ELAVL2: variants seen among roughly 807,000 people sequenced by gnomAD.
The protein encoded by ELAVL2 is ELAV-like protein 2.
A neutral mutation model predicts 34.6 loss-of-function variants in ELAVL2; 4 were observed. The observed-to-expected ratio is 0.12, with a 90% CI of 0.06 to 0.26. The LOEUF is 0.26. Ranked by LOEUF, ELAVL2 falls within the 10% of genes least tolerant of loss-of-function variation. The pLI, the probability that ELAVL2 is intolerant of heterozygous loss-of-function variation, is 1.00. For synonymous variants in ELAVL2, 193 were observed against 154.8 expected (o/e 1.25, Z -1.83); for missense variants, 432 against 442.8 (o/e 0.98, Z 0.22).
chr9:23,781,414 G>C (rs559534723), intron 1 of ELAVL2, among the ~76,000 whole-genome samples: 1 of 152,058 alleles, frequency 6.6e-6, no homozygotes, highest in East Asian at 1.9e-4. Context: ...TCACCAAACA[G>C]ATCAGGAATT....
At chr9:23,821,041 G>A (rs1431368799) in intron 1 of ELAVL2, among the ~76,000 whole-genome samples, 2 of 152,218 alleles carry the variant, frequency 1.3e-5, no homozygotes, top group Non-Finnish European at 2.9e-5. Flanking sequence ...CGCCCCGAGA[G>A]CTCCAAGGAC....
chr9:23,829,001 C>CA (rs1482582417), upstream of ELAVL2, among the ~76,000 whole-genome samples: 3 of 152,018 alleles, frequency 2.0e-5, no homozygotes, highest in Admixed American at 6.6e-5. Context: ...TAAGAATAAG[C>CA]AAAAAATGCA....
intron 2 of ELAVL2, among the ~76,000 whole-genome samples, chr9:23,760,488 A>G (rs1185366455): frequency 6.6e-6 from 1 of 151,930 alleles, no homozygotes; most frequent in African/African-American, 2.4e-5. Context: ...TACTTTAAAA[A>G]CAAAAGATAA....
chr9:23,818,614 C>A (rs1294172525), intron 1 of ELAVL2, among the ~76,000 whole-genome samples: 1 of 152,154 alleles, frequency 6.6e-6, no homozygotes, highest in Admixed American at 6.5e-5. Context: ...CCATCTAGCC[C>A]CCTTAAAATG....
At chr9:23,793,624 T>G (rs1182199955) in intron 1 of ELAVL2, among the ~76,000 whole-genome samples, 1 of 152,168 alleles carries the variant, frequency 6.6e-6, no homozygotes, top group Non-Finnish European at 1.5e-5. Context: ...TTCAACACTC[T>G]CTTTATGAGA....
chr9:23,840,505 G>C, the ELAVL2 span, among the ~76,000 whole-genome samples: 1 of 152,182 alleles, frequency 6.6e-6, no homozygotes, highest in South Asian at 2.1e-4. Context: ...ACAGTGGCTT[G>C]AGCTATTTTG....
In ELAVL2 at chr9:23,719,108, C is replaced by G. The variant is rs906793697; in HGVS notation, c.333+11914G>C. 3.9e-5 allele frequency among the ~76,000 whole-genome samples: 6 copies of G among 152,324 alleles called. No individual in the cohort carries two copies. The East Asian group carries it at 1.2e-3, about 29-fold the overall frequency. ...TAAAGAGGGGCAGCGAGGAGGGGAA[C>G]TACCACCTTTATCTTTGTTCTAAGA... is the stretch of plus-strand genomic sequence containing the variant. On this transcript the variant is annotated intron_variant, in intron 3 of 6. Coordinates refer to ENST00000397312, the MANE Select transcript of ELAVL2 (RefSeq NM_004432.5).
At chr9:23,734,502 C>G (rs140821780) in intron 2 of ELAVL2, among the ~76,000 whole-genome samples, 23 of 152,270 alleles carry the variant, frequency 1.5e-4, no homozygotes, top group Middle Eastern at 3.4e-3. Context: ...CTCTACTCCA[C>G]TCAATTAACT....
chr9:23,761,285 G>A (rs547871820), intron 2 of ELAVL2, among the ~76,000 whole-genome samples: 1 of 151,838 alleles, frequency 6.6e-6, no homozygotes, highest in Non-Finnish European at 1.5e-5. Context: ...TGTATTTTTA[G>A]TGTTTGAAAA....
intron 1 of ELAVL2, among the ~76,000 whole-genome samples, chr9:23,762,919 G>T (rs1262864874): frequency 6.6e-6 from 1 of 152,084 alleles, no homozygotes; most frequent in Non-Finnish European, 1.5e-5. Context: ...AATGAGCTAT[G>T]AATACTTTGT....
chr9:23,802,190 A>AT lies in ELAVL2; in HGVS notation c.-16+23615dup, dbSNP rs372323092. Among the ~76,000 whole-genome samples, 270 of 152,310 alleles carry AT rather than the reference A, an allele frequency of 1.8e-3. 1 individual carries two copies. Among genetic ancestry groups the AT allele is most frequent in the African/African-American group, 6.3e-3 (262 of 41,566 alleles). On this transcript the variant is annotated intron_variant, in intron 1 of 6. Coordinates refer to ENST00000397312, the MANE Select transcript of ELAVL2 (RefSeq NM_004432.5). The stretch of plus-strand genomic sequence containing the variant: ...GAGCAGGTGAACTACTCCGAGGTGC[A>AT]TTTTTAGCTCATGTGACCTTCCAAC...
intron 1 of ELAVL2, among the ~76,000 whole-genome samples, chr9:23,811,489 C>T (rs143868482): frequency 1.4e-4 from 22 of 152,310 alleles, no homozygotes; most frequent in Admixed American, 4.6e-4. Context: ...ATGAAGATGA[C>T]GCAAGGAGAA....
At chr9:23,818,449 T>C (rs1207825174) in intron 1 of ELAVL2, among the ~76,000 whole-genome samples, 1 of 152,114 alleles carries the variant, frequency 6.6e-6, no homozygotes, top group East Asian at 1.9e-4. Flanking sequence ...GTCCTGCCCA[T>C]AACTAAGTAC....
At chr9:23,708,368 A>G (rs3926807) in intron 3 of ELAVL2, among the ~76,000 whole-genome samples, 1 of 152,220 alleles carries the variant, frequency 6.6e-6, no homozygotes, top group Non-Finnish European at 1.5e-5. Flanking sequence ...AGTATTTTAT[A>G]GCTGGGGAAA....
intron 1 of ELAVL2, among the ~76,000 whole-genome samples, chr9:23,823,925 C>T (rs1284918838): frequency 6.6e-6 from 1 of 152,162 alleles, no homozygotes; most frequent in Non-Finnish European, 1.5e-5. Flanking sequence ...CTCCCTCCCA[C>T]CCCCAGAGGA....
intron 3 of ELAVL2, among the ~76,000 whole-genome samples, chr9:23,710,711 G>C (rs923950597): frequency 2.0e-5 from 3 of 152,140 alleles, no homozygotes; most frequent in Non-Finnish European, 2.9e-5. Context: ...TATTTAAACG[G>C]ACAGTTAATT....
chr9:23,758,969 C>T (rs1291546764), intron 2 of ELAVL2, among the ~76,000 whole-genome samples: 1 of 151,866 alleles, frequency 6.6e-6, no homozygotes, highest in Admixed American at 6.6e-5. Context: ...CGTGGGAAGG[C>T]AAATTAATAC....
chr9:23,723,868 T>C (rs1587726989), intron 3 of ELAVL2, among the ~76,000 whole-genome samples: 1 of 152,046 alleles, frequency 6.6e-6, no homozygotes, highest in East Asian at 1.9e-4. Flanking sequence ...CATGCCCCTT[T>C]CAATTCCACA....
At chr9:23,848,523 A>G in the ELAVL2 span, among the ~76,000 whole-genome samples, 2 of 152,214 alleles carry the variant, frequency 1.3e-5, no homozygotes, top group African/African-American at 2.4e-5. Flanking sequence ...TGCATAAGGT[A>G]TCACTTTCCT....
Sources: allele counts gnomAD v4.1 joint callset (sites outside exome capture counted in the v4.1 genomes callset), GRCh38; gene constraint gnomAD v4.1.1; transcripts MANE v1.5; gene names NCBI Gene and HGNC (gene_info 2026-07-23, HGNC 2026-07-21).